The following SLC25A33 variants were observed in gnomAD, a reference collection of about 807,000 sequenced individuals.
SLC25A33 encodes bone marrow stromal cell mitochondrial carrier protein.
Under a neutral mutation model 35.5 loss-of-function variants are expected in SLC25A33, and 15 were observed. That is an observed-to-expected ratio of 0.42 (90% CI 0.28 to 0.65). The LOEUF is 0.65. Among genes scored for constraint, SLC25A33 ranks in the 30% least tolerant of loss-of-function variants. SLC25A33 has a pLI of 0.20. For missense variants in SLC25A33, 257 were observed against 398.5 expected, an observed-to-expected ratio of 0.64 and a Z score of 3.02; for synonymous variants, 136 against 148.7, an observed-to-expected ratio of 0.91 and a Z score of 0.62.
chr1:9,548,204 A>G (rs1178451784), intron 1 of SLC25A33, among the ~76,000 whole-genome samples: 5 of 152,178 alleles, frequency 3.3e-5, no homozygotes, highest in Non-Finnish European at 5.9e-5. Context: ...ATACACTGCT[A>G]TGATTAACAT....
chr1:9,549,357 A>G (rs1409053841), intron 1 of SLC25A33, among the ~76,000 whole-genome samples: 6 of 120,064 alleles, frequency 5.0e-5, no homozygotes, highest in Middle Eastern at 9.4e-3. Flanking sequence ...GGTGGGATCA[A>G]TGGGGGGGAT....
chr1:9,540,434 T>C (rs1643062374), intron 1 of SLC25A33, among the ~76,000 whole-genome samples: 1 of 152,080 alleles, frequency 6.6e-6, no homozygotes, highest in Non-Finnish European at 1.5e-5. Context: ...AGGTCTATGG[T>C]CAGGCACCTT....
Position 9,553,744 on chromosome 1 carries a change from A to G in SLC25A33, c.175A>G (p.Ile59Val). The G allele has an allele frequency of 1.2e-6, 2 of 1,614,140 alleles. No individual in the cohort carries two copies. Among genetic ancestry groups the G allele is most frequent in the East Asian group, 4.5e-5 (2 of 44,886 alleles). ...VYYPQVHLGT[I>V]SGAGMVRPTS... ...CTATCCTCAGGTTCATCTGGGGACC[A>G]TTAGTGGAGCTGGAATGGTGAGACC... The change falls in exon 2 of 7, where the codon ATT (isoleucine) becomes GTT (valine). Residue 59 changes from isoleucine (I) to valine (V), a missense_variant. Coordinates refer to ENST00000302692, the MANE Select transcript of SLC25A33 (RefSeq NM_032315.3).
rs765722651 is a variant in SLC25A33 at position 9,553,757 on chromosome 1, G to T, written c.188G>T (p.Gly63Val). 1.4e-5 allele frequency: 22 copies of T among 1,614,162 alleles called. No homozygotes were observed. The highest frequency in any genetic ancestry group is 1.9e-5 in the Non-Finnish European group (22 of 1,180,026). ...CATCTGGGGACCATTAGTGGAGCTG[G>T]AATGGTGAGACCAACATCCGTGACA... ...QVHLGTISGA[G>V]MVRPTSVTPG... Residue 63 changes from glycine to valine, a missense_variant, in exon 2 of 7, where the codon GGA becomes GTA. Transcript: ENST00000302692.
At chr1:9,558,427 G>A (rs1643376000) in intron 2 of SLC25A33, among the ~76,000 whole-genome samples, 1 of 152,206 alleles carries the variant, frequency 6.6e-6, no homozygotes, top group African/African-American at 2.4e-5. Context: ...TAGTTTCATG[G>A]CTGTAAATAC....
chr1:9,564,667 A>T (rs962787187), intron 2 of SLC25A33, among the ~76,000 whole-genome samples: 4 of 149,958 alleles, frequency 2.7e-5, no homozygotes, highest in African/African-American at 9.8e-5. Flanking sequence ...TGGGTGGATC[A>T]CTTGAGGCCA....
intron 1 of SLC25A33, among the ~76,000 whole-genome samples, chr1:9,547,318 G>A (rs1335272765): frequency 6.6e-6 from 1 of 152,248 alleles, no homozygotes; most frequent in East Asian, 1.9e-4. Flanking sequence ...GCCAAGCATT[G>A]TGGCACACAT....
rs368368179 is a variant in SLC25A33, at chr1:9,553,786, G to A, written c.217G>A (p.Gly73Arg). Residue 73 changes from glycine to arginine, a missense_variant, in exon 2 of 7, where the codon GGA (glycine) becomes AGA (arginine). Transcript: ENST00000302692. ...GMVRPTSVTPGLFQVLKSILE... is the reference protein window; with the variant it reads ...GMVRPTSVTPRLFQVLKSILE... ...GGTGAGACCAACATCCGTGACACCT[G>A]GACTCTTTCAGGTTCTGAAGTAAGT... 4 of 1,613,858 alleles carry A rather than the reference G, an allele frequency of 2.5e-6. No homozygotes were observed. Among genetic ancestry groups the A allele is most frequent in the Non-Finnish European group, 3.4e-6 (4 of 1,179,960 alleles).
At chr1:9,576,865 C>T (rs1263837105) in intron 5 of SLC25A33, 11 of 1,251,036 alleles carry the variant, frequency 8.8e-6, no homozygotes, top group African/African-American at 3.0e-5. Context: ...GAAATGACAT[C>T]GAGCTTGTTT....
rs1339373405 is a variant in SLC25A33 at position 9,547,814 on chromosome 1, T to G, written c.57-5812T>G. Among the ~76,000 whole-genome samples, 4 of 151,986 alleles carry G rather than the reference T, an allele frequency of 2.6e-5. No homozygotes were observed. In the East Asian group the frequency reaches 5.8e-4, roughly 22 times the overall value. ...AGTGGCCTTCAAACTTTTTTTTTTT[T>G]TTAAGTTTTTGTGGGTTTCTTGTTT... is the stretch of plus-strand genomic sequence containing the variant. On this transcript the variant is annotated intron_variant, in intron 1 of 6. Transcript: ENST00000302692.
At chr1:9,556,681 C>CTGTGTGTGTGTGTG (rs139323135) in intron 2 of SLC25A33, among the ~76,000 whole-genome samples, 51 of 149,480 alleles carry the variant, frequency 3.4e-4, no homozygotes, top group African/African-American at 1.2e-3. Context: ...GTGTCTGTGT[C>CTGTGTGTGTGTGTG]TGTGTGTGTG....
At chr1:9,551,706 C>A (rs1000750633) in intron 1 of SLC25A33, among the ~76,000 whole-genome samples, 2 of 150,778 alleles carry the variant, frequency 1.3e-5, no homozygotes, top group East Asian at 3.9e-4. Context: ...TTTTTTTTTT[C>A]AAATACTTAG....
chr1:9,553,218 T>TTG (rs1643293352), intron 1 of SLC25A33, among the ~76,000 whole-genome samples: 1 of 138,498 alleles, frequency 7.2e-6, no homozygotes, highest in Non-Finnish European at 1.6e-5. Flanking sequence ...TTTTTTTTTT[T>TTG]TTTTTTTTTG....
chr1:9,539,865 G>A, intron 1 of SLC25A33, 118 bp downstream of exon 1: 1 of 967,846 alleles, frequency 1.0e-6, no homozygotes, highest in South Asian at 4.4e-5. Flanking sequence ...TACGGCGCCG[G>A]CGCTCGGGAG....
At chr1:9,568,558 A>C (rs1249077570) in intron 3 of SLC25A33, among the ~76,000 whole-genome samples, 1 of 152,118 alleles carries the variant, frequency 6.6e-6, no homozygotes. Flanking sequence ...GACTTGAAAG[A>C]AAATGAAGTC....
At chr1:9,562,762 AGAATCACTT>A (rs1325371551) in intron 2 of SLC25A33, among the ~76,000 whole-genome samples, 1 of 150,794 alleles carries the variant, frequency 6.6e-6, no homozygotes, top group Admixed American at 6.6e-5. Context: ...CTGAGGCAGG[AGAATCACTT>A]GAACCTGGGA....
chr1:9,546,020 T>A (rs146165243), intron 1 of SLC25A33, among the ~76,000 whole-genome samples: 1 of 151,800 alleles, frequency 6.6e-6, no homozygotes, highest in Non-Finnish European at 1.5e-5. Flanking sequence ...AAAATTCAAT[T>A]AGTAGTTTCT....
chr1:9,567,377 T>A lies in SLC25A33; in HGVS notation c.314+16T>A, dbSNP rs376335225. 2.5e-6 allele frequency: 4 copies of A among 1,610,838 alleles called. No individual in the cohort carries two copies. The highest frequency in any genetic ancestry group is 3.4e-6 in the Non-Finnish European group (4 of 1,177,906). ...CACCATCAAGGTAAGCATTAAACTT[T>A]CCAGCTAGCTCATGCTAAGCAGTAT... On this transcript the variant is annotated intron_variant, in intron 3 of 6. Transcript: ENST00000302692.
At chr1:9,555,253 G>T (rs1377835489) in intron 2 of SLC25A33, among the ~76,000 whole-genome samples, 3 of 151,658 alleles carry the variant, frequency 2.0e-5, no homozygotes, top group Admixed American at 6.6e-5. Context: ...GAGTAGCTGG[G>T]ACTGCAGGTG....
Sources: allele counts gnomAD v4.1 joint callset (sites outside exome capture counted in the v4.1 genomes callset), GRCh38; gene constraint gnomAD v4.1.1; transcripts MANE v1.5; gene names NCBI Gene and HGNC (gene_info 2026-07-23, HGNC 2026-07-21).